ROBO1: variants seen among roughly 807,000 people sequenced by gnomAD.
The protein encoded by ROBO1 is roundabout guidance receptor 1.
Under a neutral mutation model 195.9 loss-of-function variants are expected in ROBO1, and 149 were observed. That is an observed-to-expected ratio of 0.76 (90% confidence interval 0.67 to 0.87). The LOEUF (loss-of-function observed/expected upper bound fraction) is 0.87, where lower values mean the gene tolerates loss of function less well. ROBO1 is among the 40% of genes least tolerant of loss of function. ROBO1 has a pLI of 0.00. For missense variants in ROBO1, 1,933 were observed against 2,068.3 expected (o/e 0.93, Z 1.27); for synonymous variants, 816 against 733.2 (o/e 1.11, Z -1.82).
intron 2 of ROBO1, among the ~76,000 whole-genome samples, chr3:79,342,506 CATATCAAA>C (rs1255381527): frequency 2.0e-5 from 3 of 152,116 alleles, no homozygotes; most frequent in Non-Finnish European, 2.9e-5. Context: ...TTCTGTACTA[CATATCAAA>C]ATTTTTAATG....
At chr3:79,150,448 T>G (rs1228334204) in intron 2 of ROBO1, among the ~76,000 whole-genome samples, 1 of 151,766 alleles carries the variant, frequency 6.6e-6, no homozygotes, top group Non-Finnish European at 1.5e-5. Context: ...TTCAGCTACA[T>G]GTAATAAATG....
chr3:78,632,019 A>C (rs1183866636), intron 24 of ROBO1, among the ~76,000 whole-genome samples: 1 of 152,166 alleles, frequency 6.6e-6, no homozygotes. Context: ...TTTAAACACA[A>C]GAGGCTATAT....
intron 4 of ROBO1, among the ~76,000 whole-genome samples, chr3:78,801,852 T>A (rs1325951211): frequency 3.9e-5 from 6 of 152,298 alleles, no homozygotes; most frequent in African/African-American, 1.2e-4. Flanking sequence ...ATGTGATATA[T>A]AAGGCATGAC....
intron 4 of ROBO1, among the ~76,000 whole-genome samples, chr3:78,842,314 A>ATGAGCCATATATATATTTATATG (rs1559913682): frequency 8.5e-4 from 21 of 24,832 alleles, no homozygotes; most frequent in Admixed American, 1.1e-3. Context: ...ATATTTATAT[A>ATGAGCCATATATATATTTATATG]TATGAGCCAT....
intron 3 of ROBO1, among the ~76,000 whole-genome samples, chr3:79,121,229 G>C (rs185742665): frequency 6.6e-6 from 1 of 152,006 alleles, no homozygotes. Context: ...GTACATACAC[G>C]TTAAAAATTC....
At chr3:79,082,688 C>T (rs1403844144) in intron 3 of ROBO1, among the ~76,000 whole-genome samples, 2 of 152,092 alleles carry the variant, frequency 1.3e-5, no homozygotes, top group African/African-American at 4.8e-5. Flanking sequence ...TCTATGCCTG[C>T]CCCACCCAGT....
At chr3:79,038,455 A>G (rs1036431909) in intron 3 of ROBO1, among the ~76,000 whole-genome samples, 1 of 152,332 alleles carries the variant, frequency 6.6e-6, no homozygotes, top group African/African-American at 2.4e-5. Context: ...CACCATCAGC[A>G]CAAATTAGGA....
chr3:78,749,157 A>G (rs2082728950), intron 4 of ROBO1, among the ~76,000 whole-genome samples: 1 of 152,204 alleles, frequency 6.6e-6, no homozygotes, highest in Non-Finnish European at 1.5e-5. Context: ...ATCAATGATA[A>G]CATCTCTGAA....
chr3:78,911,355 C>T (rs1053200966), intron 4 of ROBO1, among the ~76,000 whole-genome samples: 2 of 151,872 alleles, frequency 1.3e-5, no homozygotes, highest in African/African-American at 4.8e-5. Flanking sequence ...AGAATTCAGG[C>T]CATGAAATTT....
intron 2 of ROBO1, among the ~76,000 whole-genome samples, chr3:79,332,952 A>G (rs2034506413): frequency 6.6e-6 from 1 of 152,200 alleles, no homozygotes; most frequent in Non-Finnish European, 1.5e-5. Context: ...CTGTAATCCC[A>G]GCACGTTGGG....
chr3:79,660,440 C>T (rs140144728), intron 1 of ROBO1, among the ~76,000 whole-genome samples: 7 of 152,186 alleles, frequency 4.6e-5, no homozygotes, highest in African/African-American at 9.6e-5. Flanking sequence ...GGCTACAATG[C>T]GATCACTCCC....
intron 1 of ROBO1, among the ~76,000 whole-genome samples, chr3:79,690,436 TG>T (rs1360709351): frequency 1.3e-5 from 2 of 151,786 alleles, no homozygotes; most frequent in African/African-American, 4.8e-5. Flanking sequence ...CTGCTAGAAG[TG>T]GGAAAAGGCA....
chr3:79,742,673 T>G (rs1012284614), intron 1 of ROBO1, among the ~76,000 whole-genome samples: 2 of 152,310 alleles, frequency 1.3e-5, no homozygotes, highest in Admixed American at 1.3e-4. Context: ...TTACCCAGTC[T>G]TAGGTAGTTC....
chr3:78,984,122 G>A (rs1237569632), intron 3 of ROBO1, among the ~76,000 whole-genome samples: 1 of 152,128 alleles, frequency 6.6e-6, no homozygotes, highest in Admixed American at 6.6e-5. Context: ...ACTGCTCTAT[G>A]CTATATTAAT....
At chr3:79,494,992 C>T (rs1300554889) in intron 2 of ROBO1, among the ~76,000 whole-genome samples, 1 of 151,352 alleles carries the variant, frequency 6.6e-6, no homozygotes, top group Non-Finnish European at 1.5e-5. Context: ...GAATGGATCA[C>T]CATCTGACAT....
At chr3:78,923,698 G>A (rs926845567) in intron 4 of ROBO1, among the ~76,000 whole-genome samples, 35 of 152,068 alleles carry the variant, frequency 2.3e-4, no homozygotes, top group African/African-American at 6.0e-4. Flanking sequence ...CAAGCTGCCC[G>A]AGAAATCTGT....
At chr3:79,070,190 T>C (rs528405581) in intron 3 of ROBO1, among the ~76,000 whole-genome samples, 3 of 152,052 alleles carry the variant, frequency 2.0e-5, no homozygotes, top group Non-Finnish European at 4.4e-5. Flanking sequence ...ACTTTCCATA[T>C]TGTTGTCATC....
rs1032173583 is a variant in ROBO1 at position 79,614,150 on chromosome 3, C to T, written c.-50-24189G>A. 2.0e-5 allele frequency among the ~76,000 whole-genome samples: 3 copies of T among 151,996 alleles called. 1 individual carries two copies. The highest frequency in any genetic ancestry group is 4.8e-5 in the African/African-American group (2 of 41,402). On this transcript the variant is annotated intron_variant, in intron 1 of 30. Coordinates refer to ENST00000464233, the MANE Select transcript of ROBO1 (RefSeq NM_002941.4). ...TAAACTACACTACCAACCAATTTGA[C>T]CTAATAGATATTTATAGAACACTCT...
intron 1 of ROBO1, among the ~76,000 whole-genome samples, chr3:79,624,727 T>C (rs1945116062): frequency 6.6e-6 from 1 of 152,002 alleles, no homozygotes; most frequent in Non-Finnish European, 1.5e-5. Context: ...TAAAGAGATT[T>C]AGACTCCCAC....
Sources: allele counts gnomAD v4.1 joint callset (sites outside exome capture counted in the v4.1 genomes callset), GRCh38; gene constraint gnomAD v4.1.1; transcripts MANE v1.5; gene names NCBI Gene and HGNC (gene_info 2026-07-23, HGNC 2026-07-21).